Variants in LARGE1 observed in about 807,000 individuals in gnomAD.
The protein encoded by LARGE1 is xylosyl- and glucuronyltransferase LARGE1.
In LARGE1, 43 loss-of-function variants were observed where a neutral mutation model predicts 87.6. The ratio of observed to expected loss-of-function variants is 0.49; its 90% CI spans 0.38 to 0.63. The LOEUF (loss-of-function observed/expected upper bound fraction) is 0.63, where lower values mean the gene tolerates loss of function less well. Ranked by LOEUF, LARGE1 falls within the 30% of genes least tolerant of loss-of-function variation. The pLI is 0.00. For synonymous variants in LARGE1, 434 were observed against 394.6 expected (o/e 1.10, Z -1.18); for missense variants, 802 against 1,000.2 (o/e 0.80, Z 2.67).
chr22:33,656,056 T>TGA (rs1248796004), intron 2 of LARGE1, among the ~76,000 whole-genome samples: 1 of 103,208 alleles, frequency 9.7e-6, no homozygotes, highest in African/African-American at 4.2e-5. Context: ...AGCATAAGCA[T>TGA]GAGTGTGTGT....
At chr22:33,074,928 T>C in the LARGE1 span, among the ~76,000 whole-genome samples, 11 of 152,314 alleles carry the variant, frequency 7.2e-5, 1 homozygote, top group South Asian at 2.3e-3. Flanking sequence ...ACATTTAAAA[T>C]CATCATAACA....
At chr22:33,334,664 G>A (rs1938216660) in intron 10 of LARGE1, among the ~76,000 whole-genome samples, 1 of 152,202 alleles carries the variant, frequency 6.6e-6, no homozygotes, top group South Asian at 2.1e-4. Flanking sequence ...GTGGTCAAGG[G>A]AGAGAGGGGA....
intron 9 of LARGE1, among the ~76,000 whole-genome samples, chr22:33,355,761 T>C (rs117699767): frequency 0.019 from 2,915 of 151,176 alleles, 771 homozygotes; most frequent in South Asian, 0.053. Context: ...TGGCTCAATG[T>C]CCATGGTCGC....
intron 6 of LARGE1, among the ~76,000 whole-genome samples, chr22:33,490,275 T>C (rs2069774661): frequency 6.6e-6 from 1 of 152,224 alleles, no homozygotes; most frequent in Non-Finnish European, 1.5e-5. Context: ...AGAAGCTCCA[T>C]GGAACATCAA....
At position 33,572,298 on chromosome 22, in the gene LARGE1, A is replaced by C. The variant is rs1274050879; in HGVS notation, c.616-7279T>G. On this transcript the variant is annotated intron_variant, in intron 5 of 14. Transcript: ENST00000397394. ...CTTGGCAACCAACCTATATGTTCAG[A>C]GTATAATTGTTAAGAAACAGAAGTG... 18 of 757,094 alleles carry C rather than the reference A, an allele frequency of 2.4e-5. No homozygotes were observed. The East Asian group carries it at 1.2e-3, about 52-fold the overall frequency. 46.9% of individuals were successfully genotyped at this position (757,094 alleles called of 1,614,324 possible).
chr22:33,704,620 C>A (rs2082507299), intron 2 of LARGE1, among the ~76,000 whole-genome samples: 1 of 152,198 alleles, frequency 6.6e-6, no homozygotes, highest in Admixed American at 6.5e-5. Context: ...GATAATCCAC[C>A]TACACATGGT....
downstream of LARGE1, among the ~76,000 whole-genome samples, chr22:33,158,877 CA>C (rs1921942449): frequency 6.6e-6 from 1 of 152,094 alleles, no homozygotes; most frequent in African/African-American, 2.4e-5. Flanking sequence ...CCTAGGTTGT[CA>C]ATAGGTAATG....
Position 33,556,509 on chromosome 22 carries a change from AGGAAGGAAGGGAGGGAGGGAG to A in LARGE1, c.787+8318_787+8338del, listed in dbSNP as rs1428415533. Reference sequence around the variant, plus strand: ...AATGGGTGCAAAAGGCAAGGAAAGAAGGAAGGAAGGGAGGGAGGGAGGGAGGGAAGGAGGGAGGGAGGGAGG... The same window carrying A: ...AATGGGTGCAAAAGGCAAGGAAAGAAGGAGGGAAGGAGGGAGGGAGGGAGG... On this transcript the variant is annotated intron_variant, in intron 6 of 14. Coordinates refer to ENST00000397394, the MANE Select transcript of LARGE1 (RefSeq NM_133642.5). Among the ~76,000 whole-genome samples, 411 of 116,682 alleles carry A rather than the reference AGGAAGGAAGGGAGGGAGGGAG, an allele frequency of 3.5e-3. 4 individuals carry two copies. The highest frequency in any genetic ancestry group is 0.011 in the African/African-American group (337 of 30,422). 76.5% of individuals were successfully genotyped at this position (116,682 alleles called of 152,430 possible). A position where few individuals can be genotyped will look rare whatever the true frequency, so the allele number is the denominator to read the frequency against.
At chr22:33,660,117 T>A (rs2081081899) in intron 2 of LARGE1, among the ~76,000 whole-genome samples, 1 of 145,454 alleles carries the variant, frequency 6.9e-6, no homozygotes, top group Admixed American at 6.9e-5. Context: ...TTGCCAAATA[T>A]GCTAAGTTTT....
At chr22:33,252,258 C>CT (rs938991303) in intron 11 of LARGE1, among the ~76,000 whole-genome samples, 8 of 141,174 alleles carry the variant, frequency 5.7e-5, no homozygotes, top group Non-Finnish European at 3.1e-5. Context: ...CATTCCCCCC[C>CT]CCCCCGCCAT....
intron 7 of LARGE1, among the ~76,000 whole-genome samples, chr22:33,392,627 C>A (rs572363063): frequency 3.9e-5 from 6 of 152,162 alleles, no homozygotes; most frequent in African/African-American, 1.4e-4. Flanking sequence ...CCACTGTACT[C>A]CCGCCTGGGC....
chr22:33,288,509 A>G (rs1931952555), intron 12 of LARGE1, among the ~76,000 whole-genome samples: 1 of 152,194 alleles, frequency 6.6e-6, no homozygotes, highest in Non-Finnish European at 1.5e-5. Flanking sequence ...TACTATCTAT[A>G]GGATATACTA....
chr22:33,201,996 CG>C (rs1193869771), intron 11 of LARGE1, among the ~76,000 whole-genome samples: 1 of 151,652 alleles, frequency 6.6e-6, no homozygotes, highest in Admixed American at 6.6e-5. Context: ...ATTAGCTGGG[CG>C]TGGTGGCACA....
At chr22:33,907,751 C>T (rs145017347) in intron 1 of LARGE1, among the ~76,000 whole-genome samples, 3 of 152,220 alleles carry the variant, frequency 2.0e-5, no homozygotes, top group African/African-American at 4.8e-5. Context: ...CCCGCCACCA[C>T]GCCCGGCTAA....
intron 6 of LARGE1, among the ~76,000 whole-genome samples, chr22:33,476,247 G>A (rs2069073012): frequency 6.6e-6 from 1 of 152,172 alleles, no homozygotes; most frequent in Non-Finnish European, 1.5e-5. Flanking sequence ...TGCTTCCTCT[G>A]CCCTATTTAT....
At chr22:33,846,748 G>A (rs531184355) in intron 1 of LARGE1, among the ~76,000 whole-genome samples, 1 of 152,208 alleles carries the variant, frequency 6.6e-6, no homozygotes, top group South Asian at 2.1e-4. Flanking sequence ...AGGCTGTAGG[G>A]GTGAAATAGA....
At chr22:33,796,263 T>G (rs1298687784) in intron 1 of LARGE1, among the ~76,000 whole-genome samples, 5 of 152,246 alleles carry the variant, frequency 3.3e-5, no homozygotes, top group Non-Finnish European at 7.3e-5. Context: ...AGTAGCTAAT[T>G]TAACATGTCA....
At chr22:33,878,337 G>T (rs1335867462) in intron 1 of LARGE1, among the ~76,000 whole-genome samples, 2 of 151,220 alleles carry the variant, frequency 1.3e-5, no homozygotes, top group Non-Finnish European at 2.9e-5. Context: ...ATACATATTG[G>T]CCAGGCTGGT....
At position 33,642,710 on chromosome 22, in the gene LARGE1, C is replaced by CAAAAAAA. The variant is rs60815644; in HGVS notation, c.408+7650_408+7656dup. ...GAATATTTACCAAGCAAATGGAAAG[C>CAAAAAAA]AAAAAAAAAAAAAAAAAAAAAAAAA... is the stretch of plus-strand genomic sequence containing the variant. On this transcript the variant is annotated intron_variant, in intron 3 of 14. Coordinates refer to ENST00000397394, the MANE Select transcript of LARGE1 (RefSeq NM_133642.5). Among the ~76,000 whole-genome samples, 49 of 17,350 alleles carry CAAAAAAA rather than the reference C, an allele frequency of 2.8e-3. 11 individuals are homozygous for CAAAAAAA. Among genetic ancestry groups the CAAAAAAA allele is most frequent in the African/African-American group, 0.012 (44 of 3,808 alleles). The allele number at this position is 17,350 out of a possible 152,430, so 11.4% of individuals were successfully genotyped here.
Sources: gnomAD v4.1 joint callset for allele counts (sites outside exome capture counted in the v4.1 genomes callset) on GRCh38, gnomAD v4.1.1 for gene constraint, MANE v1.5 for transcripts, NCBI Gene and HGNC (gene_info 2026-07-23, HGNC 2026-07-21) for gene names.